SAAL1: variants seen among roughly 807,000 people sequenced by gnomAD.
SAAL1 encodes the protein protein SAAL1.
A neutral mutation model predicts 59.8 loss-of-function variants in SAAL1; 42 were observed. That is an observed-to-expected ratio of 0.70 (90% CI 0.55 to 0.91). The LOEUF is 0.91. SAAL1 is among the 40% of genes least tolerant of loss of function. The pLI, the probability that SAAL1 is intolerant of heterozygous loss-of-function variation, is 0.00. For missense variants in SAAL1, 542 were observed against 561.1 expected (o/e 0.97, Z 0.34); for synonymous variants, 191 against 194.3 (o/e 0.98, Z 0.14).
Position 18,080,397 on chromosome 11 carries a change from T to G in SAAL1, c.*2A>C. The G allele has an allele frequency of 6.4e-7, 1 of 1,572,154 alleles. No homozygotes were observed. The highest frequency in any genetic ancestry group is 8.6e-7 in the Non-Finnish European group (1 of 1,159,190). On this transcript the variant is annotated 3_prime_UTR_variant, in exon 12 of 12. Coordinates refer to ENST00000524803, the MANE Select transcript of SAAL1 (RefSeq NM_138421.3). ...TGTACAGAAGTAATTCCAATTCAGG[T>G]TTTAAGTCTGAACCTTCAAACTTGG...
chr11:18,091,369 T>A (rs2134059825), intron 4 of SAAL1, among the ~76,000 whole-genome samples: 1 of 152,346 alleles, frequency 6.6e-6, no homozygotes, highest in Admixed American at 6.5e-5. Context: ...ATTTTTGGAT[T>A]TTTGATAGAG....
intron 2 of SAAL1, among the ~76,000 whole-genome samples, chr11:18,100,895 A>T (rs1261430207): frequency 6.6e-6 from 1 of 152,218 alleles, no homozygotes. Flanking sequence ...TATATGTAAA[A>T]CCTAAAATTA....
At chr11:18,097,080 C>CA (rs1439933920) in intron 2 of SAAL1, among the ~76,000 whole-genome samples, 1 of 151,590 alleles carries the variant, frequency 6.6e-6, no homozygotes, top group East Asian at 1.9e-4. Context: ...ACTAAAAATA[C>CA]AAAAAAATTA....
At chr11:18,086,801 G>T in intron 9 of SAAL1, 65 bp downstream of exon 9, 1 of 1,098,358 alleles carries the variant, frequency 9.1e-7, no homozygotes, top group Non-Finnish European at 1.2e-6. Context: ...GGAAATGAAA[G>T]CATTTTTTAA....
chr11:18,080,716 C>G (rs909520531), intron 11 of SAAL1, among the ~76,000 whole-genome samples: 3 of 152,152 alleles, frequency 2.0e-5, no homozygotes, highest in East Asian at 3.8e-4. Context: ...CTTCTCCCCC[C>G]GCCTCTTCTT....
Position 18,096,788 on chromosome 11 carries a change from T to C in SAAL1, c.316A>G (p.Lys106Glu), listed in dbSNP as rs770948110. 28 of 1,571,580 alleles carry C rather than the reference T, an allele frequency of 1.8e-5. No individual in the cohort carries two copies. The highest frequency in any genetic ancestry group is 2.4e-5 in the Non-Finnish European group (27 of 1,143,454). The change falls in exon 3 of 12, where the codon AAG becomes GAG. Residue 106 changes from lysine to glutamate, a missense_variant. Physicochemically the swap from Lys to Glu is moderately conservative, Grantham distance 56. Coordinates refer to ENST00000524803, the MANE Select transcript of SAAL1 (RefSeq NM_138421.3). ...ATACTTACTCTTAATCGAGGACACT[T>C]GGACTTGGCCAGTACTCCCATGAAT... is the stretch of plus-strand genomic sequence containing the variant. ...DIFMGVLAKS[K>E]CPRLREICVG...
Position 18,089,476 on chromosome 11 carries a change from G to A in SAAL1, c.624C>T (p.Asp208=). 1 of 1,611,892 alleles carries A rather than the reference G, an allele frequency of 6.2e-7. No homozygotes were observed. Among genetic ancestry groups the A allele is most frequent in the South Asian group, 1.1e-5 (1 of 90,626 alleles). ...DLLVKVGEVV[D]KLFDLDEKLM... ...GTTTCTCATCCAAATCAAAGAGCTTGTCCACAACCTCCCCCACCTTCACCA... is the reference window on the plus strand; with the variant it reads ...GTTTCTCATCCAAATCAAAGAGCTTATCCACAACCTCCCCCACCTTCACCA... The change falls in exon 7 of 12, where the codon GAC becomes GAT. Residue 208 remains aspartate, a synonymous_variant. Transcript: ENST00000524803.
At chr11:18,103,383 T>G in intron 1 of SAAL1, 37 bp from the exon 2 acceptor site, 1 of 1,442,842 alleles carries the variant, frequency 6.9e-7, no homozygotes. Context: ...TGAATAAAAG[T>G]TGTCTACAAT....
At chr11:18,103,058 G>A (rs566868097) in intron 2 of SAAL1, among the ~76,000 whole-genome samples, 175 bp downstream of exon 2, 32 of 152,290 alleles carry the variant, frequency 2.1e-4, no homozygotes, top group Middle Eastern at 3.4e-3. Flanking sequence ...CAGCCTCAAA[G>A]ACAGAAGTTT....
At chr11:18,092,425 C>A in intron 3 of SAAL1, 101 bp from the exon 4 acceptor site, 2 of 762,696 alleles carry the variant, frequency 2.6e-6, no homozygotes, top group Admixed American at 1.9e-5. Flanking sequence ...AGTTTTGGGG[C>A]AAGGCGGAGG....
At chr11:18,085,712 A>G (rs1389926722) in intron 9 of SAAL1, among the ~76,000 whole-genome samples, 2 of 152,234 alleles carry the variant, frequency 1.3e-5, no homozygotes, top group African/African-American at 4.8e-5. Context: ...TATGGCTACT[A>G]ATATATGAAT....
intron 10 of SAAL1, 163 bp downstream of exon 10, chr11:18,083,372 T>A: frequency 2.0e-6 from 1 of 506,428 alleles, no homozygotes; most frequent in Non-Finnish European, 3.5e-6. Flanking sequence ...CCAAACCACA[T>A]CAGCTAGTTG....
At chr11:18,087,330 A>C in intron 7 of SAAL1, 105 bp from the exon 8 acceptor site, 2 of 723,340 alleles carry the variant, frequency 2.8e-6, no homozygotes, top group Non-Finnish European at 2.4e-6. Flanking sequence ...GCCACTGTTC[A>C]AGGTGCTGAG....
At position 18,106,022 on chromosome 11, in the gene SAAL1, G is replaced by C; in HGVS notation, c.20C>G (p.Pro7Arg). The C allele has an allele frequency of 6.2e-7, 1 of 1,608,524 alleles. No homozygotes were observed. The highest frequency in any genetic ancestry group is 8.5e-7 in the Non-Finnish European group (1 of 1,179,382). ...CTCCTTGTCGCGACCCGGCGGCGGC[G>C]GCGAGGGGTTGCGGTCCATGACTTT... MDRNPS[P>R]PPPGRDKEEE... Residue 7 changes from proline to arginine, a missense_variant, in exon 1 of 12, where the codon CCG becomes CGG. Transcript: ENST00000524803.
At position 18,105,960 on chromosome 11, in the gene SAAL1, T is replaced by G. The variant is rs1232657252; in HGVS notation, c.82A>C (p.Ser28Arg). Residue 28 changes from serine (S) to arginine (R), a missense_variant, in exon 1 of 12, where the codon AGC becomes CGC. Transcript: ENST00000524803. ...AGCCAGTGTTTGCTGTAGACCGTGC[T>G]CCCTATGCAGTCTCCACCGGCCACC... is the stretch of plus-strand genomic sequence containing the variant. ...EEVAGGDCIG[S>R]TVYSKHWLFG... 6.2e-7 allele frequency: 1 copy of G among 1,609,482 alleles called. No homozygotes were observed. The highest frequency in any genetic ancestry group is 8.5e-7 in the Non-Finnish European group (1 of 1,178,486).
In SAAL1 at chr11:18,087,856, A is replaced by T. The variant is rs1412415030; in HGVS notation, c.771-631T>A. Among the ~76,000 whole-genome samples, 8 of 152,236 alleles carry T rather than the reference A, an allele frequency of 5.3e-5. 1 individual carries two copies. Among genetic ancestry groups the T allele is most frequent in the Admixed American group, 5.2e-4 (8 of 15,288 alleles). On this transcript the variant is annotated intron_variant, in intron 7 of 11. Transcript: ENST00000524803. ...TCAGGCACTATGTTAGGAGTTGAGA[A>T]AACAGATGTATAAGATGTTATCCCT...
chr11:18,098,886 T>C (rs994156819), intron 2 of SAAL1, among the ~76,000 whole-genome samples: 5 of 152,214 alleles, frequency 3.3e-5, no homozygotes, highest in African/African-American at 4.8e-5. Flanking sequence ...AAAATTAACA[T>C]TCATTGAACA....
Position 18,090,267 on chromosome 11 carries a change from T to C in SAAL1, c.497A>G (p.Gln166Arg). Residue 166 changes from glutamine (Q) to arginine (R), a missense_variant, in exon 6 of 12, where the codon CAG becomes CGG. Gln to Arg is a conservative substitution (Grantham distance 43, BLOSUM62 1). Transcript: ENST00000524803. ...AACCCAAACACTGGCCACTTCTGCCTGGGAAAGGCAAGTAAGCAACAACCT... is the reference window on the plus strand; with the variant it reads ...AACCCAAACACTGGCCACTTCTGCCCGGGAAAGGCAAGTAAGCAACAACCT... ...TSRLLLTCLS[Q>R]AEVASVWVER... 6 of 1,601,770 alleles carry C rather than the reference T, an allele frequency of 3.7e-6. No individual in the cohort carries two copies. Among genetic ancestry groups the C allele is most frequent in the Non-Finnish European group, 5.1e-6 (6 of 1,177,596 alleles).
chr11:18,102,427 T>C (rs546571675), intron 2 of SAAL1, among the ~76,000 whole-genome samples: 2 of 150,470 alleles, frequency 1.3e-5, no homozygotes, highest in African/African-American at 5.0e-5. Flanking sequence ...ATGTCAATGA[T>C]ACTTCAAAAC....
Sources: gnomAD v4.1 joint callset for allele counts (sites outside exome capture counted in the v4.1 genomes callset) on GRCh38, gnomAD v4.1.1 for gene constraint, MANE v1.5 for transcripts, NCBI Gene and HGNC (gene_info 2026-07-23, HGNC 2026-07-21) for gene names.